The following DHX15 variants were observed in gnomAD, a reference collection of about 807,000 sequenced individuals.
The protein encoded by DHX15 is ATP-dependent RNA helicase DHX15.
A neutral mutation model predicts 94.4 loss-of-function variants in DHX15; 11 were observed. The ratio of observed to expected loss-of-function variants is 0.12; its 90% CI spans 0.07 to 0.19. DHX15 has a LOEUF of 0.19. Ranked by LOEUF, DHX15 falls within the 10% of genes least tolerant of loss-of-function variation. DHX15 has a pLI of 1.00. For missense variants in DHX15, 304 were observed against 988.5 expected (o/e 0.31, Z 9.29); for synonymous variants, 338 against 329.9 (o/e 1.02, Z -0.27).
intron 12 of DHX15, chr4:24,530,044 G>C: frequency 2.1e-6 from 1 of 479,200 alleles, no homozygotes; most frequent in Non-Finnish European, 3.7e-6. Context: ...ATTCCGTGAA[G>C]CATGAGTAGC....
chr4:24,545,046 G>A (rs969361144), intron 6 of DHX15, among the ~76,000 whole-genome samples: 1 of 152,146 alleles, frequency 6.6e-6, no homozygotes, highest in Non-Finnish European at 1.5e-5. Context: ...AGGAGGTTCA[G>A]GTTGCAGTGA....
At chr4:24,547,132 G>A (rs1014492240) in intron 6 of DHX15, among the ~76,000 whole-genome samples, 3 of 152,208 alleles carry the variant, frequency 2.0e-5, no homozygotes, top group Non-Finnish European at 2.9e-5. Context: ...GTCCAGGGAA[G>A]CTACATCAGT....
At chr4:24,575,072 G>T (rs544775321) in intron 2 of DHX15, among the ~76,000 whole-genome samples, 1 of 151,538 alleles carries the variant, frequency 6.6e-6, no homozygotes, top group East Asian at 1.9e-4. Flanking sequence ...CAGGAGGATC[G>T]CTTCAGCTCA....
At chr4:24,560,691 T>G (rs946221430) in intron 3 of DHX15, among the ~76,000 whole-genome samples, 1 of 152,120 alleles carries the variant, frequency 6.6e-6, no homozygotes, top group African/African-American at 2.4e-5. Context: ...ATACCGCATA[T>G]TTGGTCAAAT....
intron 11 of DHX15, among the ~76,000 whole-genome samples, chr4:24,535,595 A>C (rs986162965): frequency 6.6e-6 from 1 of 152,140 alleles, no homozygotes; most frequent in Non-Finnish European, 1.5e-5. Context: ...CTTAACTCTC[A>C]TATCTGCCCC....
At chr4:24,570,934 G>T in intron 2 of DHX15, 87 bp from the exon 3 acceptor site, 1 of 1,348,166 alleles carries the variant, frequency 7.4e-7, no homozygotes. Flanking sequence ...TCATTCTAAT[G>T]ATTTAAAACC....
At chr4:24,577,913 A>C (rs1393839733) in intron 1 of DHX15, among the ~76,000 whole-genome samples, 1 of 152,236 alleles carries the variant, frequency 6.6e-6, no homozygotes, top group African/African-American at 2.4e-5. Context: ...TGACGGAGCT[A>C]TGACACAAGC....
In DHX15 at chr4:24,584,323, C is replaced by A; in HGVS notation, c.71G>T (p.Gly24Val). 1 of 1,612,028 alleles carries A rather than the reference C, an allele frequency of 6.2e-7. No individual in the cohort carries two copies. The highest frequency in any genetic ancestry group is 2.2e-5 in the East Asian group (1 of 44,754). The change falls in exon 1 of 14, where the codon GGG becomes GTG. Residue 24 changes from glycine (G) to valine (V), a missense_variant and splice_region_variant. Transcript: ENST00000336812. Reference protein sequence around the residue: ...PSGKKRAGTDGKDRDRDRDRE... With the variant: ...PSGKKRAGTDVKDRDRDRDRE... The stretch of plus-strand genomic sequence containing the variant: ...GCCTCGCGCCCCCGGCCTGGCTTAC[C>A]CATCGGTCCCCGCACGCTTCTTGCC...
intron 1 of DHX15, among the ~76,000 whole-genome samples, chr4:24,581,670 A>C (rs1240620920): frequency 6.6e-6 from 1 of 152,212 alleles, no homozygotes; most frequent in Non-Finnish European, 1.5e-5. Flanking sequence ...CATTAGCTTT[A>C]CTTTCCCATA....
Position 24,533,044 on chromosome 4 carries a change from C to G in DHX15, c.1920G>C (p.Ser640=). ...TGAAGTTGTCATAACACCACTGAAC[C>G]GATTCATGATCTAAAAAGGTAGAAG... The part of the protein sequence containing the change: ...VYHAFKQNHE[S]VQWCYDNFIN... The change falls in exon 12 of 14, where the codon TCG becomes TCC. Residue 640 remains serine, a synonymous_variant. Coordinates refer to ENST00000336812, the MANE Select transcript of DHX15 (RefSeq NM_001358.3). 6.2e-7 allele frequency: 1 copy of G among 1,613,864 alleles called. No homozygotes were observed. Among genetic ancestry groups the G allele is most frequent in the Non-Finnish European group, 8.5e-7 (1 of 1,179,876 alleles).
At chr4:24,579,560 A>C (rs1274936081) in intron 1 of DHX15, among the ~76,000 whole-genome samples, 2 of 152,226 alleles carry the variant, frequency 1.3e-5, no homozygotes, top group African/African-American at 4.8e-5. Flanking sequence ...ACAGTTGTTG[A>C]ACATACTGCT....
intron 8 of DHX15, among the ~76,000 whole-genome samples, chr4:24,541,649 C>G (rs1025417316): frequency 6.6e-6 from 1 of 151,984 alleles, no homozygotes; most frequent in Non-Finnish European, 1.5e-5. Context: ...TCAGCATATT[C>G]CAGTTTTTAG....
At chr4:24,571,170 T>C (rs570944677) in intron 2 of DHX15, among the ~76,000 whole-genome samples, 35 of 152,308 alleles carry the variant, frequency 2.3e-4, no homozygotes, top group African/African-American at 8.2e-4. Context: ...ATAACAAACG[T>C]TTCTAAGAAA....
At chr4:24,540,646 GAA>G (rs5856853) in intron 9 of DHX15, among the ~76,000 whole-genome samples, 192 bp downstream of exon 9, 20 of 147,160 alleles carry the variant, frequency 1.4e-4, no homozygotes, top group Middle Eastern at 3.5e-3. Flanking sequence ...AACTTTTGAA[GAA>G]AAAAAAAAAA....
intron 3 of DHX15, among the ~76,000 whole-genome samples, chr4:24,568,363 C>A (rs1034198402): frequency 1.3e-5 from 2 of 152,136 alleles, no homozygotes; most frequent in Non-Finnish European, 2.9e-5. Flanking sequence ...ATAATACACT[C>A]CTTTACTTAT....
rs560022574 is a variant in DHX15 at position 24,564,632 on chromosome 4, G to A, written c.701+6022C>T. ...GATATTAGCCGAGTCCTTACATAATGTTTCTTTTATTGGTGAAGGAATAAA... is the reference window on the plus strand; with the variant it reads ...GATATTAGCCGAGTCCTTACATAATATTTCTTTTATTGGTGAAGGAATAAA... On this transcript the variant is annotated intron_variant, in intron 3 of 13. Transcript: ENST00000336812. Among the ~76,000 whole-genome samples, 8 of 152,230 alleles carry A rather than the reference G, an allele frequency of 5.3e-5. No homozygotes were observed. In the South Asian group the frequency reaches 1.2e-3, roughly 24 times the overall value.
chr4:24,550,649 C>G (rs1030714459), intron 5 of DHX15, among the ~76,000 whole-genome samples: 7 of 152,168 alleles, frequency 4.6e-5, no homozygotes, highest in Non-Finnish European at 8.8e-5. Flanking sequence ...GCCAGTAACA[C>G]ACATGGAGCT....
At chr4:24,559,449 TAAC>T (rs1721816380) in intron 3 of DHX15, among the ~76,000 whole-genome samples, 1 of 151,252 alleles carries the variant, frequency 6.6e-6, no homozygotes, top group South Asian at 2.1e-4. Context: ...ACCCTTTGCT[TAAC>T]AACAAAAAAC....
At chr4:24,555,864 C>A (rs943501356) in intron 4 of DHX15, among the ~76,000 whole-genome samples, 3 of 152,052 alleles carry the variant, frequency 2.0e-5, no homozygotes, top group Non-Finnish European at 4.4e-5. Context: ...TTTCCACTCT[C>A]CAGCATTATA....
Sources: allele counts gnomAD v4.1 joint callset (sites outside exome capture counted in the v4.1 genomes callset), GRCh38; gene constraint gnomAD v4.1.1; transcripts MANE v1.5; gene names NCBI Gene and HGNC (gene_info 2026-07-23, HGNC 2026-07-21).